Variants in AFM observed in about 807,000 individuals in gnomAD.
AFM encodes alpha-Alb.
A neutral mutation model predicts 68.7 loss-of-function variants in AFM; 82 were observed. That is an observed-to-expected ratio of 1.19 (90% CI 1.00 to 1.43). AFM has a LOEUF of 1.43. Ranked by LOEUF, AFM falls within the 40% of genes most tolerant of loss-of-function variation. The pLI is 0.00. For synonymous variants in AFM, 250 were observed against 234.2 expected, an observed-to-expected ratio of 1.07 and a Z score of -0.61; for missense variants, 772 against 701.8, an observed-to-expected ratio of 1.10 and a Z score of -1.13.
intron 7 of AFM, among the ~76,000 whole-genome samples, chr4:73,489,505 A>C (rs1721007870): frequency 6.6e-6 from 1 of 152,150 alleles, no homozygotes; most frequent in Non-Finnish European, 1.5e-5. Flanking sequence ...TTTTGTGGTG[A>C]GAATACTCCA....
In AFM at chr4:73,481,859, T is replaced by C. The variant is rs1720725155; in HGVS notation, c.84T>C (p.Asp28=). 1 of 1,588,144 alleles carries C rather than the reference T, an allele frequency of 6.3e-7. No homozygotes were observed. The highest frequency in any genetic ancestry group is 8.6e-7 in the Non-Finnish European group (1 of 1,163,722). ...ESLTLPTQPR[D]IENFNSTQKF... is the part of the protein sequence containing the mutation. ...TAACCCTGCCCACACAACCTCGGGATATAGGTAAGAAATTTACTTGTATAT... is the reference window on the plus strand; with the variant it reads ...TAACCCTGCCCACACAACCTCGGGACATAGGTAAGAAATTTACTTGTATAT... Residue 28 remains aspartate (D), a synonymous_variant, in exon 1 of 15, where the codon GAT becomes GAC. Transcript: ENST00000226355.
intron 8 of AFM, among the ~76,000 whole-genome samples, chr4:73,492,948 C>G (rs969466040): frequency 1.3e-5 from 2 of 150,686 alleles, no homozygotes; most frequent in East Asian, 3.9e-4. Flanking sequence ...AAGAGACAAA[C>G]ATAAATAAAT....
intron 11 of AFM, 42 bp from the exon 12 acceptor site, chr4:73,499,962 A>G (rs1721380781): frequency 1.3e-6 from 2 of 1,525,458 alleles, no homozygotes; most frequent in African/African-American, 2.7e-5. Context: ...ATTCCATTCA[A>G]GTTTTAAGAT....
chr4:73,492,897 T>A lies in AFM; in HGVS notation c.1058+811T>A, dbSNP rs560501784. Among the ~76,000 whole-genome samples, 7 of 151,982 alleles carry A rather than the reference T, an allele frequency of 4.6e-5. No individual in the cohort carries two copies. In the South Asian group the frequency reaches 6.2e-4, roughly 14 times the overall value. The stretch of plus-strand genomic sequence containing the variant: ...TTTTTTTGTTGTTGTTTGTTTTTTT[T>A]ATCTCCTGGAAGCCTTCATCTATAG... On this transcript the variant is annotated intron_variant, in intron 8 of 14. Coordinates refer to ENST00000226355, the MANE Select transcript of AFM (RefSeq NM_001133.2).
At chr4:73,496,913 C>T (rs1721275302) in intron 9 of AFM, among the ~76,000 whole-genome samples, 1 of 152,116 alleles carries the variant, frequency 6.6e-6, no homozygotes, top group Non-Finnish European at 1.5e-5. Flanking sequence ...GCCACAAACA[C>T]CAGTTTATAC....
intron 3 of AFM, among the ~76,000 whole-genome samples, chr4:73,485,505 A>G (rs1280088937): frequency 1.3e-5 from 2 of 151,998 alleles, no homozygotes; most frequent in Middle Eastern, 3.2e-3. Flanking sequence ...CCTGCACAAC[A>G]TATCAAGATC....
chr4:73,497,665 A>G lies in AFM; in HGVS notation c.1205A>G (p.Asn402Ser), dbSNP rs763408201. ...TCTTATTTTCAGGAAGACAAATTCA[A>G]TGAGACAACTGAGAAAAGCCTCAAG... ...GCYRYAEDKFNETTEKSLKMV... is the reference protein window; with the variant it reads ...GCYRYAEDKFSETTEKSLKMV... The change falls in exon 10 of 15, where the codon AAT becomes AGT. Residue 402 changes from asparagine to serine, a missense_variant. Asn to Ser is a conservative substitution (Grantham distance 46). Coordinates refer to ENST00000226355, the MANE Select transcript of AFM (RefSeq NM_001133.2). 8 of 1,602,944 alleles carry G rather than the reference A, an allele frequency of 5.0e-6. No homozygotes were observed. Among genetic ancestry groups the G allele is most frequent in the African/African-American group, 4.0e-5 (3 of 74,502 alleles).
intron 11 of AFM, 44 bp downstream of exon 11, chr4:73,499,290 T>TTTA: frequency 3.9e-6 from 4 of 1,038,358 alleles, no homozygotes; most frequent in South Asian, 2.0e-5. Flanking sequence ...TTTTTTTTTT[T>TTTA]AAAAAAAAGA....
Position 73,503,178 on chromosome 4 carries a change from C to T in AFM, c.*40+68C>T, listed in dbSNP as rs1721465368. On this transcript the variant is annotated intron_variant, in intron 14 of 14. Coordinates refer to ENST00000226355, the MANE Select transcript of AFM (RefSeq NM_001133.2). ...CTTATCTGATCTCCTTGCCTTTTCT[C>T]CCTCATGCTTCTTTGTCTATTTCTG... 3.3e-6 allele frequency: 4 copies of T among 1,207,678 alleles called. No individual in the cohort carries two copies. In the Admixed American group the frequency reaches 5.5e-5, roughly 16 times the overall value. 74.8% of individuals were successfully genotyped at this position (1,207,678 alleles called of 1,614,324 possible). A position where few individuals can be genotyped will look rare whatever the true frequency, so the allele number is the denominator to read the frequency against.
At chr4:73,486,757 T>C (rs1429365589) in intron 4 of AFM, among the ~76,000 whole-genome samples, 1 of 152,196 alleles carries the variant, frequency 6.6e-6, no homozygotes, top group African/African-American at 2.4e-5. Flanking sequence ...CGGGAACTGG[T>C]TAATGCTGCC....
intron 8 of AFM, among the ~76,000 whole-genome samples, chr4:73,493,677 G>A (rs961655759): frequency 2.0e-5 from 3 of 151,980 alleles, no homozygotes; most frequent in African/African-American, 7.3e-5. Flanking sequence ...TAATTTACCC[G>A]AAGTCACACA....
chr4:73,499,127 C>T lies in AFM; in HGVS notation c.1303C>T (p.Leu435Phe), dbSNP rs778849064. 2.5e-6 allele frequency: 4 copies of T among 1,612,266 alleles called. No homozygotes were observed. Among genetic ancestry groups the T allele is most frequent in the East Asian group, 2.2e-5 (1 of 44,842 alleles). ...DGLKYHYLIR[L>F]TKIAPQLSTE... is the part of the protein sequence containing the mutation. Reference sequence around the variant, plus strand: ...ATGTTCTTTCAGTTACCTCATCAGGCTCACGAAGATAGCTCCCCAACTCTC... The same window carrying T: ...ATGTTCTTTCAGTTACCTCATCAGGTTCACGAAGATAGCTCCCCAACTCTC... The change falls in exon 11 of 15, where the codon CTC becomes TTC. Residue 435 changes from leucine to phenylalanine, a missense_variant. Transcript: ENST00000226355.
At chr4:73,491,730 T>A in intron 7 of AFM, 142 bp from the exon 8 acceptor site, 1 of 760,408 alleles carries the variant, frequency 1.3e-6, no homozygotes, top group Non-Finnish European at 2.2e-6. Flanking sequence ...CAAAATTTAA[T>A]TCAAACAAAT....
At chr4:73,496,562 T>C (rs1721262310) in intron 9 of AFM, among the ~76,000 whole-genome samples, 1 of 152,218 alleles carries the variant, frequency 6.6e-6, no homozygotes, top group South Asian at 2.1e-4. Context: ...CAACAGTGCT[T>C]GGAAATGCTC....
chr4:73,501,337 G>A (rs1721416554), intron 12 of AFM, among the ~76,000 whole-genome samples: 1 of 151,894 alleles, frequency 6.6e-6, no homozygotes, highest in Non-Finnish European at 1.5e-5. Context: ...ATCAAGTCAG[G>A]GTAATTGGAA....
chr4:73,501,782 C>T lies in AFM; in HGVS notation c.1647-5C>T, dbSNP rs574187669. ...TTAATTTTATTTGACATCTTTTGGC[C>T]ACAGGTTTCTTGTCAACTTAGTGAA... On this transcript the variant is annotated splice_region_variant and splice_polypyrimidine_tract_variant and intron_variant, in intron 12 of 14. Coordinates refer to ENST00000226355, the MANE Select transcript of AFM (RefSeq NM_001133.2). The T allele has an allele frequency of 8.1e-6, 13 of 1,609,914 alleles. No homozygotes were observed. In the African/African-American group the frequency reaches 1.5e-4, roughly 18 times the overall value.
chr4:73,484,454 CTTTCTTTCT>C, intron 3 of AFM, 64 bp downstream of exon 3: 1 of 418,046 alleles, frequency 2.4e-6, no homozygotes, highest in Non-Finnish European at 4.2e-6. Context: ...TTCTTTCTTT[CTTTCTTTCT>C]TTCTTTCTTT....
chr4:73,484,008 T>G lies in AFM; in HGVS notation c.137+19T>G. ...AATACATGTGAGTTGTGCTAAATAC[T>G]TTTTGATGATGATTTTTAAAATGAT... On this transcript the variant is annotated intron_variant, in intron 2 of 14. Coordinates refer to ENST00000226355, the MANE Select transcript of AFM (RefSeq NM_001133.2). The G allele has an allele frequency of 1.3e-6, 2 of 1,498,662 alleles. No individual in the cohort carries two copies. Among genetic ancestry groups the G allele is most frequent in the Non-Finnish European group, 1.8e-6 (2 of 1,101,334 alleles). 92.8% of individuals were successfully genotyped at this position (1,498,662 alleles called of 1,614,324 possible).
chr4:73,483,749 A>G (rs556988110), intron 1 of AFM, among the ~76,000 whole-genome samples, 192 bp from the exon 2 acceptor site: 15 of 152,386 alleles, frequency 9.8e-5, no homozygotes, highest in African/African-American at 3.6e-4. Context: ...TCTTGAACAC[A>G]TAATCAACAA....
Sources: gnomAD v4.1 joint callset for allele counts (sites outside exome capture counted in the v4.1 genomes callset) on GRCh38, gnomAD v4.1.1 for gene constraint, MANE v1.5 for transcripts, NCBI Gene and HGNC (gene_info 2026-07-23, HGNC 2026-07-21) for gene names.